Variants in MS4A18 observed in about 807,000 individuals in gnomAD.
MS4A18 encodes membrane spanning 4-domains A18.
Under a neutral mutation model 13.1 loss-of-function variants are expected in MS4A18, and 27 were observed. The ratio of observed to expected loss-of-function variants is 2.06; its 90% CI spans 1.52 to 2.84. The LOEUF (loss-of-function observed/expected upper bound fraction) is 2.84, where lower values mean the gene tolerates loss of function less well. Among genes scored for constraint, MS4A18 ranks in the 30% most tolerant of loss-of-function variants. MS4A18 has a pLI of 0.00. For missense variants in MS4A18, 307 were observed against 196.4 expected, an observed-to-expected ratio of 1.56 and a Z score of -3.37; for synonymous variants, 126 against 76.5, an observed-to-expected ratio of 1.65 and a Z score of -3.38.
intron 2 of MS4A18, 49 bp from the exon 4 acceptor site, chr11:60,736,929 A>G: frequency 1.5e-6 from 1 of 686,322 alleles, no homozygotes; most frequent in South Asian, 1.6e-5. Flanking sequence ...GTCTTTTTTA[A>G]CATGCTGCAC....
At chr11:60,741,256 G>T (rs1170083705) in intron 5 of MS4A18, 113 bp downstream of exon 6, 7 of 684,044 alleles carry the variant, frequency 1.0e-5, no homozygotes, top group African/African-American at 5.3e-5. Flanking sequence ...GGGTGTATCA[G>T]TTAAGTTTTG....
downstream of MS4A18, among the ~76,000 whole-genome samples, chr11:60,744,642 A>T (rs538055400): frequency 5.3e-5 from 8 of 152,358 alleles, no homozygotes; most frequent in South Asian, 1.4e-3. Context: ...TTTCCACAAT[A>T]TATAAAGAAC....
At chr11:60,733,721 C>G (rs1853292377) in intron 2 of MS4A18, 74 bp downstream of exon 3, 3 of 700,800 alleles carry the variant, frequency 4.3e-6, no homozygotes, top group Admixed American at 4.0e-5. Flanking sequence ...GAAGAAGGAG[C>G]ATGGAATCCC....
At chr11:60,733,705 G>A (rs1024741718) in intron 2 of MS4A18, 58 bp downstream of exon 3, 9 of 702,702 alleles carry the variant, frequency 1.3e-5, no homozygotes, top group Non-Finnish European at 2.1e-5. Context: ...CAAGAAGGAA[G>A]TGGAGGAAGA....
At chr11:60,730,613 C>T in intron 1 of MS4A18, among the ~76,000 whole-genome samples, 1 of 152,194 alleles carries the variant, frequency 6.6e-6, no homozygotes, top group Admixed American at 6.5e-5. Context: ...TGTCTGGCTT[C>T]TTTGAGAAGT....
At chr11:60,733,772 A>G (rs1853293168) in intron 2 of MS4A18, 125 bp downstream of exon 3, 1 of 669,940 alleles carries the variant, frequency 1.5e-6, no homozygotes, top group Non-Finnish European at 2.7e-6. Context: ...GCCAGCCTCC[A>G]ACTTGCAGAT....
chr11:60,726,192 TG>T (rs146946234), upstream of MS4A18, among the ~76,000 whole-genome samples: 2,154 of 152,276 alleles, frequency 0.014, 45 homozygotes, highest in African/African-American at 0.049. Flanking sequence ...CTCCCTACTT[TG>T]CAAAGAGGCG....
At chr11:60,734,297 C>T (rs957187860) in intron 2 of MS4A18, among the ~76,000 whole-genome samples, 3 of 151,984 alleles carry the variant, frequency 2.0e-5, no homozygotes, top group African/African-American at 4.8e-5. Context: ...ACTCAGAGTA[C>T]GTAAAGTTGT....
chr11:60,736,013 C>T (rs1565060516), intron 2 of MS4A18, among the ~76,000 whole-genome samples: 1 of 152,098 alleles, frequency 6.6e-6, no homozygotes, highest in Admixed American at 6.5e-5. Context: ...GCCTAAGCAA[C>T]GAGTGGCTTG....
downstream of MS4A18, among the ~76,000 whole-genome samples, chr11:60,744,951 A>G (rs1273311422): frequency 9.2e-5 from 14 of 152,248 alleles, no homozygotes; most frequent in Admixed American, 9.2e-4. Context: ...AAAGCAAAGT[A>G]TACACTTACC....
At chr11:60,741,139 T>C (rs1369521187) in exon 5 of MS4A18, 8 of 703,006 alleles carry the variant, frequency 1.1e-5, no homozygotes, top group Middle Eastern at 2.3e-4. Context: ...TGCAGACAAT[T>C]TGAGGTAAGC....
exon 1 of MS4A18, chr11:60,729,690 A>G: frequency 2.8e-6 from 2 of 702,808 alleles, no homozygotes; most frequent in Non-Finnish European, 5.2e-6. Context: ...CTGGGCTGAC[A>G]CACACCTCAA....
At chr11:60,726,717 C>CTTTTATTTTATTTTATTTTATTTTA (rs3044411), upstream of MS4A18, among the ~76,000 whole-genome samples, 139 of 124,950 alleles carry the variant, frequency 1.1e-3, no homozygotes, top group African/African-American at 4.1e-3. Context: ...TGGGGTAACA[C>CTTTTATTTTATTTTATTTTATTTTA]TTTTATTTTA....
chr11:60,742,676 G>C (rs1853428072), intron 5 of MS4A18, among the ~76,000 whole-genome samples: 1 of 152,116 alleles, frequency 6.6e-6, no homozygotes. Flanking sequence ...GTTTTACTTT[G>C]AATGTTATTT....
chr11:60,727,035 G>C (rs1433817546), upstream of MS4A18, among the ~76,000 whole-genome samples: 1 of 151,996 alleles, frequency 6.6e-6, no homozygotes, highest in Non-Finnish European at 1.5e-5. Flanking sequence ...TCCTGTGTTA[G>C]TTTGCTGAGA....
Position 60,729,794 on chromosome 11 carries a change from T to A in MS4A18, c.477+2T>A. On this transcript the variant is annotated splice_donor_variant, in intron 1 of 5. Coordinates refer to ENST00000529108, the Ensembl canonical transcript of MS4A18. LOFTEE classifies it high-confidence loss of function. ...GAGGTCAGAACATTAGGGGTGAGTG[T>A]GATTTCTCCTTCTCTCCGATTTGGG... 1.5e-6 allele frequency: 1 copy of A among 685,786 alleles called. No individual in the cohort carries two copies. Among genetic ancestry groups the A allele is most frequent in the Non-Finnish European group, 2.7e-6 (1 of 375,554 alleles). The allele number at this position is 685,786 out of a possible 1,614,324, so 42.5% of individuals were successfully genotyped here.
intron 5 of MS4A18, among the ~76,000 whole-genome samples, chr11:60,742,130 ACT>A (rs1365290364): frequency 6.6e-6 from 1 of 151,914 alleles, no homozygotes; most frequent in African/African-American, 2.4e-5. Context: ...TCTCTGGAAG[ACT>A]CTGCCCATGC....
intron 4 of MS4A18, 42 bp downstream of exon 5, chr11:60,739,039 A>G (rs1417910361): frequency 1.6e-5 from 11 of 700,936 alleles, no homozygotes; most frequent in Non-Finnish European, 2.6e-5. Context: ...CCAAAGGACC[A>G]GGAGGGCTTC....
intron 1 of MS4A18, among the ~76,000 whole-genome samples, chr11:60,732,750 A>G (rs1447997504): frequency 6.6e-6 from 1 of 151,106 alleles, no homozygotes; most frequent in Non-Finnish European, 1.5e-5. Flanking sequence ...AAAAAAAAAA[A>G]AAGAAACACC....
Sources: allele counts gnomAD v4.1 joint callset (sites outside exome capture counted in the v4.1 genomes callset), GRCh38; gene constraint gnomAD v4.1.1; transcripts MANE v1.5; gene names NCBI Gene and HGNC (gene_info 2026-07-23, HGNC 2026-07-21).